HSD17B12: variants seen among roughly 807,000 people sequenced by gnomAD.
The protein encoded by HSD17B12 is very-long-chain 3-oxoacyl-CoA reductase.
Under a neutral mutation model 39.3 loss-of-function variants are expected in HSD17B12, and 32 were observed. The observed-to-expected ratio is 0.81, with a 90% CI of 0.61 to 1.09. The LOEUF (loss-of-function observed/expected upper bound fraction) is 1.09, where lower values mean the gene tolerates loss of function less well. HSD17B12 is among the 50% of genes least tolerant of loss of function. The pLI, the probability that HSD17B12 is intolerant of heterozygous loss-of-function variation, is 0.00. For missense variants in HSD17B12, 342 were observed against 382.9 expected (o/e 0.89, Z 0.89); for synonymous variants, 150 against 146.7 (o/e 1.02, Z -0.16).
chr11:43,747,354 A>T (rs1167966843), intron 1 of HSD17B12, among the ~76,000 whole-genome samples: 2 of 152,224 alleles, frequency 1.3e-5, no homozygotes, highest in Admixed American at 6.5e-5. Context: ...ACGTAAAGTG[A>T]TCTAGAACAG....
chr11:43,754,166 T>C (rs1300439709), intron 3 of HSD17B12, 45 bp downstream of exon 3: 1 of 1,317,444 alleles, frequency 7.6e-7, no homozygotes, highest in Non-Finnish European at 1.1e-6. Context: ...CTAATTAATG[T>C]TTTCAAGCAG....
intron 3 of HSD17B12, chr11:43,754,923 C>T (rs1316680554): frequency 1.3e-6 from 1 of 757,970 alleles, no homozygotes; most frequent in Middle Eastern, 2.3e-4. Context: ...TCTTAACTAA[C>T]TTCTACTCAA....
At chr11:43,627,552 T>A in the HSD17B12 span, among the ~76,000 whole-genome samples, 1 of 152,008 alleles carries the variant, frequency 6.6e-6, no homozygotes, top group Non-Finnish European at 1.5e-5. Context: ...CCAATATCAA[T>A]GAAAGCTTAA....
chr11:43,655,314 A>G, the HSD17B12 span, among the ~76,000 whole-genome samples: 1 of 152,174 alleles, frequency 6.6e-6, no homozygotes, highest in Non-Finnish European at 1.5e-5. Context: ...GGCTGAGACG[A>G]TGGGGTTTTC....
At chr11:43,609,719 C>T in the HSD17B12 span, among the ~76,000 whole-genome samples, 1 of 152,130 alleles carries the variant, frequency 6.6e-6, no homozygotes, top group African/African-American at 2.4e-5. Flanking sequence ...AGAGGACCCC[C>T]AACTTGGCAA....
intron 6 of HSD17B12, among the ~76,000 whole-genome samples, chr11:43,823,454 A>G (rs911167457): frequency 4.6e-5 from 7 of 151,778 alleles, no homozygotes; most frequent in African/African-American, 1.7e-4. Context: ...AATTTTTTAT[A>G]GAGATGGAGT....
chr11:43,739,101 C>G (rs1472613303), intron 1 of HSD17B12, among the ~76,000 whole-genome samples: 1 of 152,148 alleles, frequency 6.6e-6, no homozygotes, highest in Admixed American at 6.5e-5. Flanking sequence ...TTTCAGCAGT[C>G]AAGCTTGCAG....
chr11:43,798,401 T>G lies in HSD17B12; in HGVS notation c.365T>G (p.Leu122Trp), dbSNP rs1950934083. Residue 122 changes from leucine to tryptophan, a missense_variant, in exon 4 of 11, where the codon TTG (leucine) becomes TGG (tryptophan). Transcript: ENST00000278353. ...EDIYDKIKTG[L>W]AGLEIGILVN... ...ATTTATGATAAAATTAAAACAGGCTTGGCTGGTCTTGAAATCGGCATCTTA... is the reference window on the plus strand; with the variant it reads ...ATTTATGATAAAATTAAAACAGGCTGGGCTGGTCTTGAAATCGGCATCTTA... 2 of 1,611,316 alleles carry G rather than the reference T, an allele frequency of 1.2e-6. No homozygotes were observed. Among genetic ancestry groups the G allele is most frequent in the East Asian group, 4.5e-5 (2 of 44,766 alleles).
chr11:43,706,404 A>G (rs1950015449), intron 1 of HSD17B12, among the ~76,000 whole-genome samples: 1 of 152,120 alleles, frequency 6.6e-6, no homozygotes, highest in African/African-American at 2.4e-5. Flanking sequence ...ATTAGCCGTC[A>G]TGAGGATGCA....
the HSD17B12 span, among the ~76,000 whole-genome samples, chr11:43,612,356 A>G: frequency 6.6e-6 from 1 of 152,210 alleles, no homozygotes; most frequent in East Asian, 1.9e-4. Context: ...CATAATATTT[A>G]ATACAATTGC....
intron 3 of HSD17B12, among the ~76,000 whole-genome samples, chr11:43,762,223 A>G (rs1950560942): frequency 6.6e-6 from 1 of 152,188 alleles, no homozygotes; most frequent in Non-Finnish European, 1.5e-5. Flanking sequence ...TTCTGGTTCT[A>G]TTTAGTCTTG....
At chr11:43,766,209 T>G (rs1370012420) in intron 3 of HSD17B12, among the ~76,000 whole-genome samples, 1 of 152,208 alleles carries the variant, frequency 6.6e-6, no homozygotes. Flanking sequence ...GTTTAGTGTT[T>G]TGTCTACGAG....
the HSD17B12 span, among the ~76,000 whole-genome samples, chr11:43,655,096 A>G: frequency 6.6e-6 from 1 of 152,128 alleles, no homozygotes; most frequent in African/African-American, 2.4e-5. Context: ...AGTGGTTTGT[A>G]GTTCTCCTTG....
chr11:43,573,054 C>A, the HSD17B12 span, among the ~76,000 whole-genome samples: 1 of 152,172 alleles, frequency 6.6e-6, no homozygotes, highest in East Asian at 1.9e-4. Context: ...TCAAGGGCTT[C>A]GTGATAAGCA....
chr11:43,601,270 T>G, the HSD17B12 span, among the ~76,000 whole-genome samples: 328 of 152,172 alleles, frequency 2.2e-3, 3 homozygotes, highest in African/African-American at 7.5e-3. Flanking sequence ...TTCGGTTTCT[T>G]GAATATTTTA....
intron 3 of HSD17B12, among the ~76,000 whole-genome samples, chr11:43,795,488 A>G (rs948561186): frequency 6.6e-6 from 1 of 152,144 alleles, no homozygotes; most frequent in Admixed American, 6.5e-5. Context: ...GGAATTCTGA[A>G]AGTCCACCCA....
At chr11:43,657,287 A>G in the HSD17B12 span, among the ~76,000 whole-genome samples, 2 of 152,104 alleles carry the variant, frequency 1.3e-5, no homozygotes, top group Non-Finnish European at 2.9e-5. Context: ...TTTTGAGCCT[A>G]TGTGTGTCTC....
chr11:43,638,840 CT>C, the HSD17B12 span, among the ~76,000 whole-genome samples: 6,515 of 152,258 alleles, frequency 0.043, 236 homozygotes, highest in South Asian at 0.11. Flanking sequence ...CTGAAGTCCT[CT>C]TTCAGAACAC....
chr11:43,681,834 CTT>C (rs74652658), intron 1 of HSD17B12, among the ~76,000 whole-genome samples: 2 of 142,236 alleles, frequency 1.4e-5, no homozygotes, highest in African/African-American at 2.7e-5. Flanking sequence ...TCCCCCCCCC[CTT>C]TTTTTTTTCT....
Sources: allele counts gnomAD v4.1 joint callset (sites outside exome capture counted in the v4.1 genomes callset), GRCh38; gene constraint gnomAD v4.1.1; transcripts MANE v1.5; gene names NCBI Gene and HGNC (gene_info 2026-07-23, HGNC 2026-07-21).